The following CALN1 variants were observed in gnomAD, a reference collection of about 807,000 sequenced individuals.
CALN1 encodes calneuron 1, also known as calcium-binding protein 8.
Under a neutral mutation model 30.6 loss-of-function variants are expected in CALN1, and 17 were observed. The observed-to-expected ratio is 0.56, with a 90% CI of 0.38 to 0.83. The LOEUF is 0.83. Ranked by LOEUF, CALN1 falls within the 40% of genes least tolerant of loss-of-function variation. The pLI is 0.00. For missense variants in CALN1, 291 were observed against 354.9 expected, an observed-to-expected ratio of 0.82 and a Z score of 1.45; for synonymous variants, 156 against 131.4, an observed-to-expected ratio of 1.19 and a Z score of -1.28.
At chr7:71,978,530 T>G in intron 5 of CALN1, among the ~76,000 whole-genome samples, 1 of 152,130 alleles carries the variant, frequency 6.6e-6, no homozygotes. Flanking sequence ...CACCTCAGCC[T>G]CCCAAAGTGC....
intron 5 of CALN1, among the ~76,000 whole-genome samples, chr7:71,822,799 T>C (rs1788672891): frequency 6.6e-6 from 1 of 152,240 alleles, no homozygotes; most frequent in Non-Finnish European, 1.5e-5. Flanking sequence ...ATTTGAGATT[T>C]ATGATGACAC....
chr7:72,483,470 A>G, the CALN1 span, among the ~76,000 whole-genome samples: 1 of 151,382 alleles, frequency 6.6e-6, no homozygotes, highest in African/African-American at 2.4e-5. Context: ...TTTTTAGTAG[A>G]GACGGAGTTT....
chr7:72,170,786 T>C (rs558911655), intron 3 of CALN1, among the ~76,000 whole-genome samples: 65 of 152,146 alleles, frequency 4.3e-4, no homozygotes, highest in Non-Finnish European at 7.8e-4. Flanking sequence ...TACCATAGAT[T>C]TGAGATGAAT....
intron 2 of CALN1, among the ~76,000 whole-genome samples, chr7:72,287,906 G>A (rs1798200663): frequency 6.6e-6 from 1 of 152,074 alleles, no homozygotes; most frequent in Non-Finnish European, 1.5e-5. Flanking sequence ...TGGTTATTGA[G>A]TATGCGAATC....
At chr7:71,846,514 G>A (rs1218596055) in intron 5 of CALN1, among the ~76,000 whole-genome samples, 1 of 152,040 alleles carries the variant, frequency 6.6e-6, no homozygotes, top group East Asian at 1.9e-4. Flanking sequence ...ATAAAAATAT[G>A]TGTGTGTATG....
At chr7:72,192,915 C>CAGTG (rs1466422397) in intron 3 of CALN1, among the ~76,000 whole-genome samples, 1 of 150,610 alleles carries the variant, frequency 6.6e-6, no homozygotes, top group Non-Finnish European at 1.5e-5. Flanking sequence ...GGGCCAGGAA[C>CAGTG]AGTGGCTCAC....
At position 71,819,293 on chromosome 7, in the gene CALN1, C is replaced by T. The variant is rs559982720; in HGVS notation, c.502-8801G>A. Reference sequence around the variant, plus strand: ...GTGCGATCTTGGCTCACTGCAACCTCCACCTTCCGGTTTCAAGCAATTCTC... The same window carrying T: ...GTGCGATCTTGGCTCACTGCAACCTTCACCTTCCGGTTTCAAGCAATTCTC... On this transcript the variant is annotated intron_variant, in intron 5 of 6. Coordinates refer to ENST00000395275, the MANE Select transcript of CALN1 (RefSeq NM_031468.4). Among the ~76,000 whole-genome samples the T allele has an allele frequency of 2.0e-3, 303 of 151,764 alleles. 2 individuals are homozygous for T. Among genetic ancestry groups the T allele is most frequent in the Non-Finnish European group, 2.0e-3 (135 of 67,958 alleles).
At chr7:72,247,800 C>T (rs923106373) in intron 3 of CALN1, among the ~76,000 whole-genome samples, 1 of 152,020 alleles carries the variant, frequency 6.6e-6, no homozygotes, top group South Asian at 2.1e-4. Context: ...AGATGACCAG[C>T]CTGGGCAATA....
chr7:72,222,115 A>C (rs1793348510), intron 3 of CALN1, among the ~76,000 whole-genome samples: 1 of 152,114 alleles, frequency 6.6e-6, no homozygotes. Context: ...AGTCCCAGCT[A>C]CTTGGGAGGC....
chr7:72,193,423 C>G (rs112810106), intron 3 of CALN1, among the ~76,000 whole-genome samples: 1 of 152,136 alleles, frequency 6.6e-6, no homozygotes, highest in Non-Finnish European at 1.5e-5. Flanking sequence ...AAAGAATTCA[C>G]TAGGGAACCC....
chr7:72,410,946 AAAAG>A (rs1414834374), intron 1 of CALN1, among the ~76,000 whole-genome samples: 1 of 151,372 alleles, frequency 6.6e-6, no homozygotes, highest in African/African-American at 2.4e-5. Flanking sequence ...ATAAGATGGG[AAAAG>A]AAATAAAGTT....
chr7:72,328,096 T>G (rs567604684), intron 2 of CALN1, among the ~76,000 whole-genome samples: 2 of 149,734 alleles, frequency 1.3e-5, no homozygotes, highest in Non-Finnish European at 2.9e-5. Context: ...CATTTCTGTA[T>G]AGCTTTTAAT....
chr7:72,210,879 G>C lies in CALN1; in HGVS notation c.244+67807C>G, dbSNP rs148834988. Among the ~76,000 whole-genome samples, 4 of 151,550 alleles carry C rather than the reference G, an allele frequency of 2.6e-5. No individual in the cohort carries two copies. The East Asian group carries it at 7.8e-4, about 30-fold the overall frequency. On this transcript the variant is annotated intron_variant, in intron 3 of 6. Transcript: ENST00000395275. ...CAGCCTGGGAAAGATGATGAGCCCC[G>C]GTCTCCAGAAAAAAATTAAAAAAAA... is the stretch of plus-strand genomic sequence containing the variant.
At chr7:72,000,796 C>T (rs1799487880) in intron 5 of CALN1, among the ~76,000 whole-genome samples, 1 of 152,160 alleles carries the variant, frequency 6.6e-6, no homozygotes, top group Admixed American at 6.5e-5. Context: ...TAACAAAATA[C>T]TAGCAAACTG....
chr7:72,042,787 AC>A (rs1802212498), intron 4 of CALN1, among the ~76,000 whole-genome samples: 1 of 152,272 alleles, frequency 6.6e-6, no homozygotes. Flanking sequence ...CTTAGCATAA[AC>A]CATATTGTTT....
chr7:72,227,133 G>A (rs971713966), intron 3 of CALN1, among the ~76,000 whole-genome samples: 6 of 151,834 alleles, frequency 4.0e-5, no homozygotes, highest in Admixed American at 6.6e-5. Flanking sequence ...TACTGTGCTC[G>A]CTACCTGGGC....
chr7:72,045,996 CAAAAA>C (rs34011098), intron 4 of CALN1, among the ~76,000 whole-genome samples: 1 of 90,750 alleles, frequency 1.1e-5, no homozygotes, highest in African/African-American at 4.1e-5. Flanking sequence ...GACTCCCTCT[CAAAAA>C]AAAAAAAAAA....
intron 6 of CALN1, among the ~76,000 whole-genome samples, chr7:71,801,412 G>C (rs191368178): frequency 2.2e-4 from 29 of 129,388 alleles, no homozygotes; most frequent in Middle Eastern, 3.9e-3. Flanking sequence ...ATGTATGTAT[G>C]TATGTATGTA....
the CALN1 span, among the ~76,000 whole-genome samples, chr7:72,488,565 C>A: frequency 1.3e-5 from 2 of 152,080 alleles, no homozygotes; most frequent in Non-Finnish European, 2.9e-5. Context: ...TACTTACTAA[C>A]CCCAAAGTGT....
Sources: gnomAD v4.1 joint callset for allele counts (sites outside exome capture counted in the v4.1 genomes callset) on GRCh38, gnomAD v4.1.1 for gene constraint, MANE v1.5 for transcripts, NCBI Gene and HGNC (gene_info 2026-07-23, HGNC 2026-07-21) for gene names.